LDAH: variants seen among roughly 807,000 people sequenced by gnomAD.
LDAH encodes the protein lipid droplet-associated hydrolase.
Under a neutral mutation model 29.6 loss-of-function variants are expected in LDAH, and 26 were observed. The observed-to-expected ratio is 0.88, with a 90% CI of 0.64 to 1.22. LDAH has a LOEUF of 1.22. LDAH is among the 50% of genes most tolerant of loss of function. The pLI is 0.00. For synonymous variants in LDAH, 117 were observed against 133.0 expected (o/e 0.88, Z 0.83); for missense variants, 344 against 387.3 (o/e 0.89, Z 0.94).
At chr2:20,693,550 C>T (rs1314359344) in intron 6 of LDAH, among the ~76,000 whole-genome samples, 1 of 152,064 alleles carries the variant, frequency 6.6e-6, no homozygotes, top group Admixed American at 6.5e-5. Flanking sequence ...TGAAGCACAT[C>T]CCTATCCTCA....
intron 6 of LDAH, among the ~76,000 whole-genome samples, chr2:20,692,175 G>A (rs78824368): frequency 0.064 from 9,812 of 152,158 alleles, 364 homozygotes; most frequent in East Asian, 0.13. Flanking sequence ...CTCTGCCCTG[G>A]AACAGCTCAC....
At chr2:20,747,968 C>T (rs1226996965) in intron 4 of LDAH, among the ~76,000 whole-genome samples, 7 of 152,074 alleles carry the variant, frequency 4.6e-5, no homozygotes, top group South Asian at 2.1e-4. Context: ...TATATATTTA[C>T]GTACAAAATA....
At chr2:20,750,036 T>C (rs978981016) in intron 4 of LDAH, among the ~76,000 whole-genome samples, 1 of 151,386 alleles carries the variant, frequency 6.6e-6, no homozygotes, top group African/African-American at 2.4e-5. Flanking sequence ...TTTTTTTTTT[T>C]TTTTTTTGAA....
chr2:20,714,808 T>G (rs1665038586), intron 5 of LDAH, among the ~76,000 whole-genome samples: 1 of 152,112 alleles, frequency 6.6e-6, no homozygotes, highest in Admixed American at 6.6e-5. Flanking sequence ...CCTGGACACA[T>G]ACACCCTCCC....
chr2:20,786,121 G>A (rs1670529785), intron 3 of LDAH, among the ~76,000 whole-genome samples: 1 of 152,104 alleles, frequency 6.6e-6, no homozygotes, highest in Admixed American at 6.5e-5. Context: ...TTAAGTAATA[G>A]GAATGAGGTA....
intron 2 of LDAH, among the ~76,000 whole-genome samples, chr2:20,799,629 A>G (rs1209945125): frequency 6.6e-6 from 1 of 152,070 alleles, no homozygotes; most frequent in African/African-American, 2.4e-5. Flanking sequence ...CCTTTCATCT[A>G]ACTTGCATGT....
intron 5 of LDAH, among the ~76,000 whole-genome samples, chr2:20,706,593 T>C (rs1664317251): frequency 6.6e-6 from 1 of 151,866 alleles, no homozygotes; most frequent in African/African-American, 2.4e-5. Context: ...TTCCCAAAAA[T>C]CTCAACTGAA....
intron 6 of LDAH, among the ~76,000 whole-genome samples, chr2:20,694,404 T>A (rs1313360437): frequency 2.0e-5 from 3 of 152,246 alleles, no homozygotes; most frequent in East Asian, 3.8e-4. Flanking sequence ...TAAAAAATCT[T>A]ATCCCTGTTG....
At chr2:20,688,690 A>G (rs914687482) in intron 6 of LDAH, among the ~76,000 whole-genome samples, 1 of 152,214 alleles carries the variant, frequency 6.6e-6, no homozygotes, top group Admixed American at 6.5e-5. Context: ...CAATAACATG[A>G]TGCCTTAACC....
chr2:20,720,058 A>G lies in LDAH; in HGVS notation c.704-18406T>C, dbSNP rs545163896. Among the ~76,000 whole-genome samples the G allele has an allele frequency of 2.0e-5, 3 of 152,262 alleles. No homozygotes were observed. The South Asian group carries it at 6.2e-4, about 32-fold the overall frequency. On this transcript the variant is annotated intron_variant, in intron 5 of 6. Coordinates refer to ENST00000237822, the MANE Select transcript of LDAH (RefSeq NM_021925.4). ...ATTTCCACTAACATCTAACAAGACA[A>G]GATGCCCATTTTCACCACTTCAACT...
At position 20,774,910 on chromosome 2, in the gene LDAH, A is replaced by G; in HGVS notation, c.368T>C (p.Leu123Pro). 1 of 1,613,738 alleles carries G rather than the reference A, an allele frequency of 6.2e-7. No homozygotes were observed. Among genetic ancestry groups the G allele is most frequent in the Non-Finnish European group, 8.5e-7 (1 of 1,179,928 alleles). Reference protein sequence around the residue: ...NGQIEHKLAFLRTHVPKDMKL... With the variant: ...NGQIEHKLAFPRTHVPKDMKL... ...CATGTCCTTTGGCACATGAGTTCTC[A>G]GGAAAGCTAGTTTGTGCTCTATTTG... The change falls in exon 4 of 7, where the codon CTG (leucine) becomes CCG (proline). Residue 123 changes from leucine to proline, a missense_variant. By Grantham distance (98) the Leu-to-Pro change is moderately conservative. Transcript: ENST00000237822.
chr2:20,782,143 A>C (rs865815484), intron 3 of LDAH, among the ~76,000 whole-genome samples: 2 of 152,146 alleles, frequency 1.3e-5, no homozygotes, highest in South Asian at 4.1e-4. Flanking sequence ...AGCAGCACCA[A>C]TATTACCTGG....
chr2:20,807,605 A>G (rs1030568157), intron 1 of LDAH, among the ~76,000 whole-genome samples: 10 of 152,072 alleles, frequency 6.6e-5, no homozygotes, highest in Admixed American at 5.9e-4. Context: ...AATCATCTCA[A>G]TTGATACAGA....
chr2:20,805,142 C>T (rs982254621), intron 1 of LDAH, among the ~76,000 whole-genome samples: 3 of 152,114 alleles, frequency 2.0e-5, no homozygotes, highest in Admixed American at 6.6e-5. Context: ...CAATACTTAA[C>T]TTCAAGTAAA....
chr2:20,805,708 T>C (rs946895684), intron 1 of LDAH, among the ~76,000 whole-genome samples: 2 of 152,160 alleles, frequency 1.3e-5, no homozygotes, highest in African/African-American at 4.8e-5. Flanking sequence ...GGGCTTCTAA[T>C]TTTATTTAGT....
chr2:20,730,735 CCTTCTT>C (rs758014243), intron 5 of LDAH, among the ~76,000 whole-genome samples: 17 of 151,206 alleles, frequency 1.1e-4, no homozygotes, highest in Middle Eastern at 3.4e-3. Flanking sequence ...TTCTCCTTCT[CCTTCTT>C]CTTTTTTTCT....
chr2:20,750,233 C>T (rs1408532042), intron 4 of LDAH, among the ~76,000 whole-genome samples: 1 of 152,114 alleles, frequency 6.6e-6, no homozygotes, highest in Admixed American at 6.5e-5. Context: ...ACCACATAGG[C>T]TAGGCTGGTT....
At chr2:20,785,297 T>C (rs1357161188) in intron 3 of LDAH, among the ~76,000 whole-genome samples, 1 of 152,212 alleles carries the variant, frequency 6.6e-6, no homozygotes, top group Non-Finnish European at 1.5e-5. Context: ...CTCCTTTACT[T>C]TTGAAGGATG....
At chr2:20,759,835 T>G (rs1458630376) in intron 4 of LDAH, among the ~76,000 whole-genome samples, 2 of 152,206 alleles carry the variant, frequency 1.3e-5, no homozygotes, top group African/African-American at 4.8e-5. Context: ...CAGACCTATA[T>G]CCACACAAAT....
Sources: allele counts gnomAD v4.1 joint callset (sites outside exome capture counted in the v4.1 genomes callset), GRCh38; gene constraint gnomAD v4.1.1; transcripts MANE v1.5; gene names NCBI Gene and HGNC (gene_info 2026-07-23, HGNC 2026-07-21).